The following PIK3AP1 variants were observed in gnomAD, a reference collection of about 807,000 sequenced individuals.
PIK3AP1 encodes the protein phosphoinositide 3-kinase adapter protein 1.
Under a neutral mutation model 88.1 loss-of-function variants are expected in PIK3AP1, and 21 were observed. The ratio of observed to expected loss-of-function variants is 0.24; its 90% CI spans 0.17 to 0.34. PIK3AP1 has a LOEUF of 0.34. Ranked by LOEUF, PIK3AP1 falls within the 10% of genes least tolerant of loss-of-function variation. PIK3AP1 has a pLI of 1.00. For synonymous variants in PIK3AP1, 398 were observed against 400.0 expected (o/e 1.00, Z 0.06); for missense variants, 828 against 1,035.7 (o/e 0.80, Z 2.75).
intron 2 of PIK3AP1, among the ~76,000 whole-genome samples, chr10:96,675,597 T>C (rs779703511): frequency 6.6e-6 from 1 of 152,212 alleles, no homozygotes. Context: ...CTTCAAAGCA[T>C]GGAGTTTAGG....
chr10:96,711,276 G>C (rs947928197), intron 1 of PIK3AP1, among the ~76,000 whole-genome samples: 1 of 152,174 alleles, frequency 6.6e-6, no homozygotes, highest in Non-Finnish European at 1.5e-5. Flanking sequence ...CACCCATCAG[G>C]AACTATGTCA....
chr10:96,607,888 G>A (rs938547195), intron 14 of PIK3AP1, among the ~76,000 whole-genome samples: 1 of 152,194 alleles, frequency 6.6e-6, no homozygotes, highest in Non-Finnish European at 1.5e-5. Flanking sequence ...ATGAAGGGTT[G>A]TTTTAAGCCA....
intron 1 of PIK3AP1, among the ~76,000 whole-genome samples, chr10:96,716,967 G>C (rs1279443687): frequency 6.6e-6 from 1 of 152,048 alleles, no homozygotes; most frequent in Non-Finnish European, 1.5e-5. Context: ...GCAGGATTCA[G>C]AGCCCAATGG....
chr10:96,632,549 G>A, intron 8 of PIK3AP1, among the ~76,000 whole-genome samples: 1 of 146,244 alleles, frequency 6.8e-6, no homozygotes, highest in Admixed American at 7.2e-5. Flanking sequence ...ACACTGTGGA[G>A]CACATGTGTG....
intron 16 of PIK3AP1, 121 bp from the exon 17 acceptor site, chr10:96,595,755 G>A: frequency 1.1e-6 from 1 of 919,080 alleles, no homozygotes. Flanking sequence ...AATGAGACAG[G>A]ACACACATAT....
In PIK3AP1 at chr10:96,699,386, T is replaced by A. The variant is rs373918798; in HGVS notation, c.430+10181A>T. 3.9e-5 allele frequency among the ~76,000 whole-genome samples: 6 copies of A among 152,364 alleles called. 1 individual carries two copies. Among genetic ancestry groups the A allele is most frequent in the East Asian group, 1.9e-4 (1 of 5,194 alleles). ...AGATGTAAAATATCTCAGTAATTGT[T>A]ACATTGCTTATATATCAATAAGAGA... On this transcript the variant is annotated intron_variant, in intron 2 of 16. Coordinates refer to ENST00000339364, the MANE Select transcript of PIK3AP1 (RefSeq NM_152309.3).
intron 2 of PIK3AP1, among the ~76,000 whole-genome samples, chr10:96,687,181 G>GGGA (rs1844080923): frequency 6.7e-6 from 1 of 149,146 alleles, no homozygotes; most frequent in South Asian, 2.1e-4. Context: ...GTGTGAACCC[G>GGGA]GGAGGAGGAG....
At chr10:96,677,236 C>T (rs907769738) in intron 2 of PIK3AP1, among the ~76,000 whole-genome samples, 2 of 152,180 alleles carry the variant, frequency 1.3e-5, no homozygotes, top group Non-Finnish European at 2.9e-5. Context: ...AACTCAGTAA[C>T]TAGCCTCAAC....
At chr10:96,674,427 G>C (rs1843888920) in intron 2 of PIK3AP1, among the ~76,000 whole-genome samples, 1 of 152,170 alleles carries the variant, frequency 6.6e-6, no homozygotes, top group African/African-American at 2.4e-5. Flanking sequence ...AGGCTTATTG[G>C]AATTAAGTGA....
chr10:96,688,752 C>T (rs1457618169), intron 2 of PIK3AP1, among the ~76,000 whole-genome samples: 1 of 151,560 alleles, frequency 6.6e-6, no homozygotes, highest in Non-Finnish European at 1.5e-5. Flanking sequence ...GAGCTGAGAT[C>T]ATGCCACTGT....
At chr10:96,715,115 T>A (rs1471295181) in intron 1 of PIK3AP1, among the ~76,000 whole-genome samples, 1 of 152,190 alleles carries the variant, frequency 6.6e-6, no homozygotes, top group Non-Finnish European at 1.5e-5. Context: ...TGAGAGTGTG[T>A]GCCCTGAATA....
chr10:96,652,586 C>A, intron 4 of PIK3AP1, 112 bp downstream of exon 4: 1 of 1,345,558 alleles, frequency 7.4e-7, no homozygotes, highest in Non-Finnish European at 1.0e-6. Context: ...AAAAAAAAAT[C>A]AAAGTAGCAA....
At chr10:96,687,361 A>G (rs1302433581) in intron 2 of PIK3AP1, among the ~76,000 whole-genome samples, 2 of 151,542 alleles carry the variant, frequency 1.3e-5, no homozygotes, top group African/African-American at 2.4e-5. Flanking sequence ...AGCCTGGTCC[A>G]TGGTGGGTGT....
At chr10:96,680,316 T>A (rs1485067810) in intron 2 of PIK3AP1, among the ~76,000 whole-genome samples, 1 of 152,076 alleles carries the variant, frequency 6.6e-6, no homozygotes. Flanking sequence ...TTTTTTTTTT[T>A]AACTTTTAAG....
At chr10:96,637,800 A>G (rs193115986) in intron 8 of PIK3AP1, among the ~76,000 whole-genome samples, 4 of 152,262 alleles carry the variant, frequency 2.6e-5, no homozygotes, top group Admixed American at 6.5e-5. Flanking sequence ...TAGAGCAAAA[A>G]CAGACAAAAG....
chr10:96,710,059 G>A (rs1288010979), intron 1 of PIK3AP1, 76 bp from the exon 2 acceptor site: 1 of 1,435,696 alleles, frequency 7.0e-7, no homozygotes, highest in Non-Finnish European at 9.4e-7. Flanking sequence ...TGCAAAGGTA[G>A]AGCATCCAGA....
rs188938250 is a variant in PIK3AP1, at chr10:96,649,444, C to T, written c.989-589G>A. Among the ~76,000 whole-genome samples, 673 of 152,254 alleles carry T rather than the reference C, an allele frequency of 4.4e-3. 4 individuals carry two copies. Among genetic ancestry groups the T allele is most frequent in the African/African-American group, 0.015 (634 of 41,544 alleles). ...GAAAAAGTACCAGTTCAAAATGTGC[C>T]GGGTTTGTTTAAAGGCTTAACTAGC... On this transcript the variant is annotated intron_variant, in intron 6 of 16. Transcript: ENST00000339364.
At chr10:96,698,377 G>T (rs12266992) in intron 2 of PIK3AP1, among the ~76,000 whole-genome samples, 4 of 152,132 alleles carry the variant, frequency 2.6e-5, no homozygotes, top group Non-Finnish European at 4.4e-5. Context: ...TAGGCCGGAC[G>T]CTGTGGCTCA....
At chr10:96,620,941 G>T in intron 11 of PIK3AP1, 2 of 185,896 alleles carry the variant, frequency 1.1e-5, no homozygotes, top group South Asian at 2.2e-4. Flanking sequence ...CTTGAGAGAT[G>T]GTCAGTGAAT....
Sources: gnomAD v4.1 joint callset for allele counts (sites outside exome capture counted in the v4.1 genomes callset) on GRCh38, gnomAD v4.1.1 for gene constraint, MANE v1.5 for transcripts, NCBI Gene and HGNC (gene_info 2026-07-23, HGNC 2026-07-21) for gene names.